RBFOX1: variants seen among roughly 807,000 people sequenced by gnomAD.
The protein encoded by RBFOX1 is RNA binding protein fox-1 homolog 1.
Under a neutral mutation model 57.7 loss-of-function variants are expected in RBFOX1, and 8 were observed. The ratio of observed to expected loss-of-function variants is 0.14; its 90% CI spans 0.08 to 0.25. RBFOX1 has a LOEUF of 0.25. RBFOX1 is among the 10% of genes least tolerant of loss of function. RBFOX1 has a pLI of 1.00. For missense variants in RBFOX1, 611 were observed against 548.5 expected (o/e 1.11, Z -1.14); for synonymous variants, 326 against 222.4 (o/e 1.47, Z -4.15).
chr16:5,594,728 G>T (rs1027997138), intron 2 of RBFOX1, among the ~76,000 whole-genome samples: 46 of 152,224 alleles, frequency 3.0e-4, no homozygotes, highest in African/African-American at 9.9e-4. Flanking sequence ...TGCAATGGGA[G>T]GCAAGTTGGC....
intron 3 of RBFOX1, among the ~76,000 whole-genome samples, chr16:6,907,523 G>C (rs925198100): frequency 1.3e-5 from 2 of 152,126 alleles, no homozygotes; most frequent in Admixed American, 6.5e-5. Context: ...AACTGGGAGA[G>C]AGAATCGGTC....
At chr16:6,841,998 C>A (rs1423954758) in intron 3 of RBFOX1, among the ~76,000 whole-genome samples, 1 of 151,354 alleles carries the variant, frequency 6.6e-6, no homozygotes, top group Non-Finnish European at 1.5e-5. Flanking sequence ...AAAAAATTAG[C>A]CGGGCGTGGT....
chr16:6,125,162 C>G (rs963456120), intron 1 of RBFOX1, among the ~76,000 whole-genome samples: 1 of 152,152 alleles, frequency 6.6e-6, no homozygotes, highest in South Asian at 2.1e-4. Context: ...TTGTGCAGCT[C>G]CCTGTGCATG....
At chr16:5,270,565 T>C (rs1051230476) in intron 1 of RBFOX1, 2 of 589,992 alleles carry the variant, frequency 3.4e-6, no homozygotes, top group African/African-American at 1.9e-5. Context: ...AGACTACCGA[T>C]GGTTACTTCT....
chr16:5,657,534 A>G (rs569050398), intron 3 of RBFOX1, among the ~76,000 whole-genome samples: 3 of 152,240 alleles, frequency 2.0e-5, no homozygotes, highest in African/African-American at 4.8e-5. Context: ...CTCAGCTGTC[A>G]TATAGAGGCA....
rs189282994 is a variant in RBFOX1 at position 6,311,738 on chromosome 16, C to A, written c.-126-5257C>A. Among the ~76,000 whole-genome samples the A allele has an allele frequency of 2.6e-4, 39 of 152,296 alleles. No individual in the cohort carries two copies. In the East Asian group the frequency reaches 6.9e-3, roughly 27 times the overall value. ...TGCAGTAGTGGTTACTGCTAAGCAGCTTCCTGTTATGTGGCTGGGAGTCAC... is the reference window on the plus strand; with the variant it reads ...TGCAGTAGTGGTTACTGCTAAGCAGATTCCTGTTATGTGGCTGGGAGTCAC... On this transcript the variant is annotated intron_variant, in intron 1 of 15. Coordinates refer to ENST00000550418, the MANE Select transcript of RBFOX1 (RefSeq NM_018723.4).
intron 3 of RBFOX1, among the ~76,000 whole-genome samples, chr16:6,870,770 AAAC>A (rs2060725467): frequency 6.6e-6 from 1 of 152,186 alleles, no homozygotes; most frequent in South Asian, 2.1e-4. Context: ...TCAACAAACT[AAAC>A]AACTGTTTCA....
intron 9 of RBFOX1, among the ~76,000 whole-genome samples, chr16:7,597,640 T>G (rs2152959433): frequency 6.6e-6 from 1 of 152,368 alleles, no homozygotes; most frequent in East Asian, 1.9e-4. Flanking sequence ...GTGCCTGCCC[T>G]TCTTCCCTTC....
chr16:7,601,147 G>A (rs2094996367), intron 9 of RBFOX1, among the ~76,000 whole-genome samples: 1 of 152,264 alleles, frequency 6.6e-6, no homozygotes, highest in South Asian at 2.1e-4. Context: ...TGAAAATGGG[G>A]CAAACATATT....
At chr16:7,440,013 G>A (rs572564082) in intron 4 of RBFOX1, among the ~76,000 whole-genome samples, 72 of 145,130 alleles carry the variant, frequency 5.0e-4, no homozygotes, top group Middle Eastern at 3.7e-3. Context: ...GTGCAGTGGT[G>A]AGATCACAGC....
At chr16:6,080,553 G>A (rs1165463000) in intron 1 of RBFOX1, among the ~76,000 whole-genome samples, 2 of 152,170 alleles carry the variant, frequency 1.3e-5, no homozygotes, top group Non-Finnish European at 2.9e-5. Context: ...GCATAATTAA[G>A]ATAGGGATAT....
In RBFOX1 at chr16:7,710,947, T is replaced by G. The variant is rs571469059; in HGVS notation, c.*202T>G. The stretch of plus-strand genomic sequence containing the variant: ...ATTTTAATATTGTGGGTCTTTAATT[T>G]CTGAAGGTTCCGTAGTTTGGTTGCT... On this transcript the variant is annotated 3_prime_UTR_variant, in exon 16 of 16. Coordinates refer to ENST00000550418, the MANE Select transcript of RBFOX1 (RefSeq NM_018723.4). 3.7e-4 allele frequency: 227 copies of G among 607,448 alleles called. 2 individuals are homozygous for G. The South Asian group carries it at 0.011, about 28-fold the overall frequency. 37.6% of individuals were successfully genotyped at this position (607,448 alleles called of 1,614,324 possible). A position where few individuals can be genotyped will look rare whatever the true frequency, so the allele number is the denominator to read the frequency against.
At chr16:5,283,081 A>C (rs1358763783) in intron 1 of RBFOX1, among the ~76,000 whole-genome samples, 1 of 152,236 alleles carries the variant, frequency 6.6e-6, no homozygotes, top group Non-Finnish European at 1.5e-5. Flanking sequence ...GATACAACGT[A>C]GGCTGTGACT....
intron 2 of RBFOX1, among the ~76,000 whole-genome samples, chr16:6,429,460 G>A (rs2153001666): frequency 6.6e-6 from 1 of 152,274 alleles, no homozygotes; most frequent in Admixed American, 6.5e-5. Context: ...TATTTTCTCA[G>A]GTGCAATGCA....
chr16:7,135,082 G>A (rs752466431), intron 4 of RBFOX1, among the ~76,000 whole-genome samples: 2 of 152,106 alleles, frequency 1.3e-5, no homozygotes, highest in Non-Finnish European at 2.9e-5. Flanking sequence ...CTTCACATTT[G>A]GTAAAACTGA....
At position 7,660,577 on chromosome 16, in the gene RBFOX1, A is replaced by G. The variant is rs572357452; in HGVS notation, c.891-4352A>G. On this transcript the variant is annotated intron_variant, in intron 12 of 15. Coordinates refer to ENST00000550418, the MANE Select transcript of RBFOX1 (RefSeq NM_018723.4). ...GAACTTTCCCGTAACCAGCTCCTCC[A>G]TTAGAATATAACCTAGGAGGCTGAC... Among the ~76,000 whole-genome samples the G allele has an allele frequency of 7.2e-5, 11 of 152,344 alleles. No homozygotes were observed. In the South Asian group the frequency reaches 1.0e-3, roughly 14 times the overall value.
At chr16:6,035,381 T>G (rs944244436) in intron 1 of RBFOX1, among the ~76,000 whole-genome samples, 1 of 152,214 alleles carries the variant, frequency 6.6e-6, no homozygotes, top group Non-Finnish European at 1.5e-5. Context: ...CAGATGCCAG[T>G]CTAGGAAGAA....
chr16:7,221,939 A>C (rs1331748910), intron 4 of RBFOX1, among the ~76,000 whole-genome samples: 3 of 152,234 alleles, frequency 2.0e-5, no homozygotes, highest in Non-Finnish European at 2.9e-5. Context: ...GATGAAATGC[A>C]GAAGAGGCTT....
intron 4 of RBFOX1, among the ~76,000 whole-genome samples, chr16:7,174,167 A>T (rs771826138): frequency 7.3e-5 from 11 of 150,486 alleles, no homozygotes; most frequent in Non-Finnish European, 1.3e-4. Flanking sequence ...TTTAGCAGAA[A>T]GTTTATCCAT....
Sources: gnomAD v4.1 joint callset for allele counts (sites outside exome capture counted in the v4.1 genomes callset) on GRCh38, gnomAD v4.1.1 for gene constraint, MANE v1.5 for transcripts, NCBI Gene and HGNC (gene_info 2026-07-23, HGNC 2026-07-21) for gene names.